The following CRYBB2 variants were observed in gnomAD, a reference collection of about 807,000 sequenced individuals.
CRYBB2 encodes the protein crystallin beta B2, also known as beta-crystallin B2.
CRYBB2 carries 12 observed loss-of-function variants against 24.3 expected under a neutral mutation model. The observed-to-expected ratio is 0.49, with a 90% confidence interval of 0.32 to 0.80. CRYBB2 has a LOEUF of 0.80. Ranked by LOEUF, CRYBB2 falls within the 30% of genes least tolerant of loss-of-function variation. The pLI is 0.04. For synonymous variants in CRYBB2, 98 were observed against 101.6 expected (o/e 0.96, Z 0.21); for missense variants, 198 against 268.5 (o/e 0.74, Z 1.83).
chr22:25,218,792 AAGAAAGAAAGAAAGAAAGAAAGAAAG>A, upstream of CRYBB2, among the ~76,000 whole-genome samples: 1 of 107,484 alleles, frequency 9.3e-6, no homozygotes, highest in South Asian at 4.2e-4. Context: ...GAAAGAAAGA[AAGAAAGAAAGAAAGAAAGAAAGAAAG>A]AAAGAAAGAA....
chr22:25,230,752 G>C (rs563597066), intron 5 of CRYBB2, among the ~76,000 whole-genome samples: 1 of 149,442 alleles, frequency 6.7e-6, no homozygotes, highest in East Asian at 1.9e-4. Context: ...AGGTGCCCAG[G>C]GTGAAGGAGA....
intron 3 of CRYBB2, among the ~76,000 whole-genome samples, chr22:25,226,532 A>T (rs1935421195): frequency 1.3e-5 from 2 of 152,238 alleles, no homozygotes; most frequent in Admixed American, 6.5e-5. Context: ...GCTTTGTAAC[A>T]GTCCATGATT....
rs774625190 is a variant in CRYBB2, at chr22:25,227,895, T to C, written c.216T>C (p.Phe72=). 19 of 1,614,114 alleles carry C rather than the reference T, an allele frequency of 1.2e-5. No homozygotes were observed. In the East Asian group the frequency reaches 4.2e-4, roughly 36 times the overall value. Residue 72 remains phenylalanine, a synonymous_variant, in exon 4 of 6, where the codon TTT becomes TTC. Transcript: ENST00000398215. ...AGGCCAACTGCAAGGGCGAGCAGTT[T>C]GTGTTTGAGAAGGGTGAGTACCCCC... ...YEQANCKGEQ[F]VFEKGEYPRW... is the part of the protein sequence containing the mutation.
At chr22:25,211,901 T>G (rs2146079508), upstream of CRYBB2, among the ~76,000 whole-genome samples, 1 of 152,368 alleles carries the variant, frequency 6.6e-6, no homozygotes, top group South Asian at 2.1e-4. Flanking sequence ...GTTAGGCTCT[T>G]GATTTACACC....
intron 1 of CRYBB2, chr22:25,213,778 C>T (rs934564095): frequency 2.0e-5 from 3 of 152,246 alleles, no homozygotes; most frequent in Admixed American, 1.3e-4. Context: ...CTCCCTACTT[C>T]CTGATGCCCT....
intron 1 of CRYBB2, among the ~76,000 whole-genome samples, chr22:25,220,756 G>A (rs1428292719): frequency 6.6e-6 from 1 of 152,160 alleles, no homozygotes; most frequent in Non-Finnish European, 1.5e-5. Context: ...AGCTAAGGCA[G>A]GTCTACCCTG....
chr22:25,231,117 T>C (rs999506157), intron 5 of CRYBB2, among the ~76,000 whole-genome samples: 1 of 152,072 alleles, frequency 6.6e-6, no homozygotes, highest in Non-Finnish European at 1.5e-5. Flanking sequence ...CAGGCCTGTG[T>C]GACATTTTCT....
upstream of CRYBB2, among the ~76,000 whole-genome samples, chr22:25,218,842 A>AAGAAAGAAAGAAAGAAAG (rs1569016568): frequency 3.4e-5 from 4 of 118,912 alleles, no homozygotes; most frequent in African/African-American, 1.1e-4. Context: ...AAGAAAGAGA[A>AAGAAAGAAAGAAAGAAAG]AGAAAGAAAG....
chr22:25,215,890 A>G (rs1189171892), upstream of CRYBB2, among the ~76,000 whole-genome samples: 1 of 152,196 alleles, frequency 6.6e-6, no homozygotes, highest in Non-Finnish European at 1.5e-5. Context: ...AGACAGTTTC[A>G]GGGCTTAATC....
intron 1 of CRYBB2, among the ~76,000 whole-genome samples, chr22:25,214,285 C>CTGTG (rs1370138981): frequency 1.3e-5 from 2 of 152,226 alleles, no homozygotes; most frequent in African/African-American, 2.4e-5. Flanking sequence ...CTGCATTGAG[C>CTGTG]TGTGATAGCA....
In CRYBB2 at chr22:25,231,747, G is replaced by A. The variant is rs1442503450; in HGVS notation, c.593G>A (p.Arg198His). 1.1e-5 allele frequency: 18 copies of A among 1,614,058 alleles called. No homozygotes were observed. The highest frequency in any genetic ancestry group is 1.7e-5 in the Admixed American group (1 of 60,026). ...ATCCGCGACATGCAGTGGCACCAAC[G>A]TGGTGCCTTCCACCCCTCCAACTAG... ...RRIRDMQWHQRGAFHPSN is the reference protein window; with the variant it reads ...RRIRDMQWHQHGAFHPSN Residue 198 changes from arginine to histidine, a missense_variant, in exon 6 of 6, where the codon CGT becomes CAT. Coordinates refer to ENST00000398215, the MANE Select transcript of CRYBB2 (RefSeq NM_000496.3).
intron 3 of CRYBB2, among the ~76,000 whole-genome samples, chr22:25,227,381 G>A (rs867142641): frequency 4.6e-5 from 7 of 152,010 alleles, no homozygotes; most frequent in South Asian, 2.1e-4. Context: ...GTTCTCAGTG[G>A]TGAAGGCTGA....
At chr22:25,230,318 A>C (rs984849782) in intron 5 of CRYBB2, among the ~76,000 whole-genome samples, 26 of 150,334 alleles carry the variant, frequency 1.7e-4, no homozygotes, top group African/African-American at 5.7e-4. Context: ...CACCAAGCTC[A>C]GCTGATTTTT....
At chr22:25,229,381 G>A (rs1935492797) in intron 4 of CRYBB2, 55 bp from the exon 5 acceptor site, 2 of 1,545,318 alleles carry the variant, frequency 1.3e-6, no homozygotes, top group Admixed American at 1.9e-5. Context: ...GGGGTGGGAA[G>A]GCCAACCCTG....
rs138678957 is a variant in CRYBB2, at chr22:25,229,612, C to T, written c.449+34C>T. ...GTTGCCAGCCCTGGCTCACCCTGCC[C>T]CAGGAACTGAGACTCTGGGGTCCTA... On this transcript the variant is annotated intron_variant, in intron 5 of 5. Transcript: ENST00000398215. 29,047 of 1,612,622 alleles carry T rather than the reference C, an allele frequency of 0.018. 375 individuals carry two copies. The highest frequency in any genetic ancestry group is 0.042 in the South Asian group (3,845 of 90,708).
intron 5 of CRYBB2, among the ~76,000 whole-genome samples, chr22:25,230,833 T>C (rs546046271): frequency 2.5e-4 from 38 of 150,900 alleles, no homozygotes; most frequent in African/African-American, 4.7e-4. Flanking sequence ...CTTTAAGAAT[T>C]CACATGAATC....
Position 25,231,722 on chromosome 22 carries a change from A to G in CRYBB2, c.568A>G (p.Ile190Val), listed in dbSNP as rs1920985054. 1 of 1,614,014 alleles carries G rather than the reference A, an allele frequency of 6.2e-7. No homozygotes were observed. Among genetic ancestry groups the G allele is most frequent in the African/African-American group, 1.3e-5 (1 of 74,892 alleles). The change falls in exon 6 of 6, where the codon ATC (isoleucine) becomes GTC (valine). Residue 190 changes from isoleucine to valine, a missense_variant. Physicochemically the swap from Ile to Val is conservative, Grantham distance 29. Transcript: ENST00000398215. ...CCCCCAGGTGCAGTCCGTGCGCCGTATCCGCGACATGCAGTGGCACCAACG... is the reference window on the plus strand; with the variant it reads ...CCCCCAGGTGCAGTCCGTGCGCCGTGTCCGCGACATGCAGTGGCACCAACG... ...PHPQVQSVRR[I>V]RDMQWHQRGA...
chr22:25,224,294 G>C (rs1935374992), intron 2 of CRYBB2, among the ~76,000 whole-genome samples: 1 of 152,130 alleles, frequency 6.6e-6, no homozygotes, highest in Non-Finnish European at 1.5e-5. Flanking sequence ...CATTAGGTTT[G>C]AGTGTTAGAA....
intron 1 of CRYBB2, among the ~76,000 whole-genome samples, chr22:25,219,978 C>T (rs1379715837): frequency 2.0e-5 from 3 of 152,042 alleles, no homozygotes; most frequent in Non-Finnish European, 4.4e-5. Context: ...GAGAATGTAA[C>T]TGAGGGTTTT....
Sources: gnomAD v4.1 joint callset for allele counts (sites outside exome capture counted in the v4.1 genomes callset) on GRCh38, gnomAD v4.1.1 for gene constraint, MANE v1.5 for transcripts, NCBI Gene and HGNC (gene_info 2026-07-23, HGNC 2026-07-21) for gene names.